CADM1: variants seen among roughly 807,000 people sequenced by gnomAD.
CADM1 encodes cell adhesion molecule 1.
A neutral mutation model predicts 53.1 loss-of-function variants in CADM1; 15 were observed. The ratio of observed to expected loss-of-function variants is 0.28; its 90% CI spans 0.19 to 0.44. The LOEUF is 0.44. Ranked by LOEUF, CADM1 falls within the 20% of genes least tolerant of loss-of-function variation. The pLI is 1.00. For missense variants in CADM1, 434 were observed against 611.3 expected, an observed-to-expected ratio of 0.71 and a Z score of 3.06; for synonymous variants, 281 against 243.0, an observed-to-expected ratio of 1.16 and a Z score of -1.45.
At chr11:115,222,518 C>G (rs1941443793) in intron 5 of CADM1, among the ~76,000 whole-genome samples, 1 of 152,152 alleles carries the variant, frequency 6.6e-6, no homozygotes, top group Non-Finnish European at 1.5e-5. Context: ...TGTCATAATA[C>G]ATTCATGAAT....
chr11:115,427,469 G>C (rs1177120289), intron 1 of CADM1, among the ~76,000 whole-genome samples: 1 of 152,090 alleles, frequency 6.6e-6, no homozygotes, highest in Non-Finnish European at 1.5e-5. Context: ...GGGTTTCTAT[G>C]GATTTTACGT....
chr11:115,238,067 A>G (rs1184610693), intron 3 of CADM1, among the ~76,000 whole-genome samples: 1 of 152,176 alleles, frequency 6.6e-6, no homozygotes, highest in Non-Finnish European at 1.5e-5. Flanking sequence ...GAGATCAACA[A>G]TATTAAAACG....
chr11:115,269,441 T>A (rs1943238498), intron 1 of CADM1, among the ~76,000 whole-genome samples: 1 of 152,192 alleles, frequency 6.6e-6, no homozygotes, highest in Non-Finnish European at 1.5e-5. Context: ...TCAGGACTCC[T>A]GAATTGCAAA....
intron 1 of CADM1, among the ~76,000 whole-genome samples, chr11:115,360,782 T>C (rs1946006517): frequency 6.6e-6 from 1 of 152,220 alleles, no homozygotes; most frequent in Non-Finnish European, 1.5e-5. Flanking sequence ...GTGCCAACTG[T>C]GACCTTGAGC....
intron 2 of CADM1, among the ~76,000 whole-genome samples, 187 bp downstream of exon 2, chr11:115,240,087 A>C (rs1043793206): frequency 1.3e-5 from 2 of 152,212 alleles, no homozygotes; most frequent in Middle Eastern, 3.2e-3. Context: ...TACTTTTAAA[A>C]GGGGCCATTC....
intron 1 of CADM1, among the ~76,000 whole-genome samples, chr11:115,252,358 T>A (rs1756728869): frequency 6.6e-6 from 1 of 152,246 alleles, no homozygotes; most frequent in Non-Finnish European, 1.5e-5. Flanking sequence ...ATCTATGCAC[T>A]CTCTGTCTAT....
intron 1 of CADM1, among the ~76,000 whole-genome samples, chr11:115,261,520 A>AT (rs1942973372): frequency 6.6e-6 from 1 of 152,178 alleles, no homozygotes; most frequent in South Asian, 2.1e-4. Flanking sequence ...TTCCTTTTTC[A>AT]TTTTCATATG....
chr11:115,198,255 T>A (rs45622340), intron 9 of CADM1, 151 bp downstream of exon 9: 148,570 of 595,302 alleles, frequency 0.25, 21,403 homozygotes, highest in East Asian at 0.58. Context: ...AGACTCGACA[T>A]CTTTTCAAAC....
At chr11:115,270,351 G>A (rs1247908333) in intron 1 of CADM1, among the ~76,000 whole-genome samples, 3 of 152,142 alleles carry the variant, frequency 2.0e-5, no homozygotes, top group Admixed American at 2.0e-4. Context: ...TACAGAGGGG[G>A]AAAAATGTTG....
chr11:115,345,024 A>C (rs10790071), intron 1 of CADM1, among the ~76,000 whole-genome samples: 96,250 of 152,012 alleles, frequency 0.63, 30,663 homozygotes, highest in South Asian at 0.68. Flanking sequence ...CAAACAAAGT[A>C]TTCGGCAGAA....
chr11:115,474,331 T>C (rs931685940), intron 1 of CADM1, among the ~76,000 whole-genome samples: 1 of 144,300 alleles, frequency 6.9e-6, no homozygotes, highest in African/African-American at 2.6e-5. Context: ...AGGCAAAATA[T>C]CTGAATAGAC....
chr11:115,200,149 G>C (rs984835394), intron 8 of CADM1, among the ~76,000 whole-genome samples: 6 of 152,218 alleles, frequency 3.9e-5, no homozygotes, highest in Non-Finnish European at 8.8e-5. Context: ...CTGATGAATA[G>C]ATGAAGGAAA....
chr11:115,288,196 A>C (rs1291840874), intron 1 of CADM1, among the ~76,000 whole-genome samples: 2 of 152,220 alleles, frequency 1.3e-5, no homozygotes, highest in African/African-American at 4.8e-5. Context: ...GTGTTCCAGA[A>C]ACAGCAAGGA....
At chr11:115,401,179 A>G (rs1305269572) in intron 1 of CADM1, among the ~76,000 whole-genome samples, 2 of 152,252 alleles carry the variant, frequency 1.3e-5, no homozygotes, top group Non-Finnish European at 2.9e-5. Context: ...GCAATGAGCT[A>G]TCAAGCCATG....
At chr11:115,287,858 C>T (rs1030232768) in intron 1 of CADM1, among the ~76,000 whole-genome samples, 5 of 152,138 alleles carry the variant, frequency 3.3e-5, no homozygotes, top group African/African-American at 4.8e-5. Context: ...GGGCATATGA[C>T]GGTATATACA....
intron 1 of CADM1, among the ~76,000 whole-genome samples, chr11:115,393,535 AAG>A (rs45537533): frequency 0.012 from 1,741 of 151,218 alleles, 25 homozygotes; most frequent in African/African-American, 0.038. Context: ...TATTAGAAAA[AAG>A]AGCAAATGTT....
At chr11:115,435,516 T>C (rs1378914943) in intron 1 of CADM1, among the ~76,000 whole-genome samples, 5 of 152,108 alleles carry the variant, frequency 3.3e-5, no homozygotes, top group African/African-American at 7.2e-5. Context: ...GCAGATCACT[T>C]GAGGTCAGGA....
chr11:115,478,031 C>T (rs1361588068), intron 1 of CADM1, among the ~76,000 whole-genome samples: 1 of 152,206 alleles, frequency 6.6e-6, no homozygotes, highest in East Asian at 1.9e-4. Context: ...TAAGTTAATG[C>T]ATTCCTGATC....
chr11:115,496,577 C>G (rs1201585606), intron 1 of CADM1, among the ~76,000 whole-genome samples: 1 of 152,048 alleles, frequency 6.6e-6, no homozygotes, highest in Non-Finnish European at 1.5e-5. Context: ...GAATCTGATG[C>G]AAGAAGTAAG....
Sources: allele counts gnomAD v4.1 joint callset (sites outside exome capture counted in the v4.1 genomes callset), GRCh38; gene constraint gnomAD v4.1.1; transcripts MANE v1.5; gene names NCBI Gene and HGNC (gene_info 2026-07-23, HGNC 2026-07-21).